NR5A2: variants seen among roughly 807,000 people sequenced by gnomAD.
NR5A2 encodes CYP7A promoter-binding factor.
In NR5A2, 26 loss-of-function variants were observed where a neutral mutation model predicts 62.7. The observed-to-expected ratio is 0.41, with a 90% CI of 0.30 to 0.58. The LOEUF is 0.58. Among genes scored for constraint, NR5A2 ranks in the 20% least tolerant of loss-of-function variants. NR5A2 has a pLI of 0.22. For synonymous variants in NR5A2, 246 were observed against 241.7 expected (o/e 1.02, Z -0.16); for missense variants, 541 against 669.1 (o/e 0.81, Z 2.11).
At chr1:200,112,952 G>A (rs904501384) in intron 6 of NR5A2, among the ~76,000 whole-genome samples, 2 of 152,154 alleles carry the variant, frequency 1.3e-5, no homozygotes, top group African/African-American at 4.8e-5. Context: ...TTCCATTCCT[G>A]CTCTTTAGAA....
At chr1:200,094,444 G>A (rs985432600) in intron 5 of NR5A2, among the ~76,000 whole-genome samples, 5 of 149,360 alleles carry the variant, frequency 3.3e-5, no homozygotes, top group South Asian at 4.2e-4. Flanking sequence ...TGCAACCTCC[G>A]AAAGTACTAG....
intron 4 of NR5A2, among the ~76,000 whole-genome samples, chr1:200,047,495 G>T (rs1358934387): frequency 1.3e-5 from 2 of 152,254 alleles, no homozygotes; most frequent in African/African-American, 4.8e-5. Flanking sequence ...AAAGCAGTTT[G>T]GGTTTCCATA....
intron 4 of NR5A2, among the ~76,000 whole-genome samples, chr1:200,046,088 T>C: frequency 6.6e-6 from 1 of 152,198 alleles, no homozygotes; most frequent in East Asian, 1.9e-4. Flanking sequence ...GAGTTTCTCA[T>C]GTAGGATATT....
chr1:200,147,202 A>AG lies in NR5A2; in HGVS notation c.1378+26253dup, dbSNP rs773749785. Among the ~76,000 whole-genome samples, 88 of 152,272 alleles carry AG rather than the reference A, an allele frequency of 5.8e-4. No homozygotes were observed. Among genetic ancestry groups the AG allele is most frequent in the Non-Finnish European group, 9.1e-4 (62 of 68,018 alleles). The stretch of plus-strand genomic sequence containing the variant: ...AGCAATTGTTTCACGCAAAAAATAG[A>AG]GGGGGGCACCTCGCTGAAGCCAGCG... On this transcript the variant is annotated intron_variant, in intron 7 of 7. Transcript: ENST00000367362. The surrounding 1 kb of genome is among the most constrained non-coding windows in gnomAD (Gnocchi z 4.9).
At chr1:200,151,756 T>C (rs1653139433) in intron 7 of NR5A2, among the ~76,000 whole-genome samples, 1 of 152,248 alleles carries the variant, frequency 6.6e-6, no homozygotes, top group Non-Finnish European at 1.5e-5. Flanking sequence ...GGTTTTCTTT[T>C]GCATTTGTCT....
intron 1 of NR5A2, among the ~76,000 whole-genome samples, chr1:200,035,772 C>T (rs1011795874): frequency 2.1e-4 from 32 of 151,958 alleles, no homozygotes; most frequent in African/African-American, 7.5e-4. Flanking sequence ...AAGTCAGAAC[C>T]GGGAAGGGCG....
Position 200,147,998 on chromosome 1 carries a change from G to C in NR5A2, c.1379-25965G>C. On this transcript the variant is annotated intron_variant, in intron 7 of 7. Transcript: ENST00000367362. This position sits in a 1 kb window ranked among gnomAD's most constrained non-coding sequence, Gnocchi z 4.9. ...CGGCCGCCTTGACCTCCTCCCGCGA[G>C]CCGAAAACGCCCAGTTCGAAGGCCA... 1 of 307,016 alleles carries C rather than the reference G, an allele frequency of 3.3e-6. No individual in the cohort carries two copies. Among genetic ancestry groups the C allele is most frequent in the Non-Finnish European group, 6.3e-6 (1 of 159,954 alleles). 19.0% of individuals were successfully genotyped at this position (307,016 alleles called of 1,614,324 possible). A position where few individuals can be genotyped will look rare whatever the true frequency, so the allele number is the denominator to read the frequency against.
At chr1:200,066,592 T>TTTTTTC (rs1663484871) in intron 5 of NR5A2, among the ~76,000 whole-genome samples, 1 of 138,984 alleles carries the variant, frequency 7.2e-6, no homozygotes, top group South Asian at 2.3e-4. Context: ...AATTATCTTT[T>TTTTTTC]TTTTTTTTTT....
At chr1:200,092,867 A>T (rs1003370101) in intron 5 of NR5A2, among the ~76,000 whole-genome samples, 3 of 147,548 alleles carry the variant, frequency 2.0e-5, no homozygotes, top group African/African-American at 7.5e-5. Context: ...TTACTAAAAG[A>T]CAGGTCTTTT....
intron 1 of NR5A2, among the ~76,000 whole-genome samples, chr1:200,033,453 T>A (rs1571689238): frequency 8.3e-6 from 1 of 119,788 alleles, no homozygotes; most frequent in Non-Finnish European, 1.8e-5. Context: ...TGCAGTGAGA[T>A]ATGCTAGTCC....
chr1:200,035,449 A>G (rs1296949346), intron 1 of NR5A2, among the ~76,000 whole-genome samples: 1 of 152,066 alleles, frequency 6.6e-6, no homozygotes, highest in Non-Finnish European at 1.5e-5. Flanking sequence ...CGCACGGGTC[A>G]AGCGCGCGGG....
At chr1:200,070,008 GT>G (rs80109968) in intron 5 of NR5A2, among the ~76,000 whole-genome samples, 97 of 146,332 alleles carry the variant, frequency 6.6e-4, no homozygotes, top group East Asian at 1.2e-3. Flanking sequence ...CTAAGGGAAA[GT>G]TTTTTTTTTT....
intron 5 of NR5A2, among the ~76,000 whole-genome samples, chr1:200,062,227 T>TTATGTGTGTGTGTGTG (rs1553267511): frequency 2.7e-4 from 40 of 145,756 alleles, no homozygotes; most frequent in African/African-American, 9.9e-4. Flanking sequence ...CTGGCAGATT[T>TTATGTGTGTGTGTGTG]TGTGTGTGTG....
chr1:200,095,930 C>G (rs1489066755), intron 5 of NR5A2, among the ~76,000 whole-genome samples: 1 of 152,104 alleles, frequency 6.6e-6, no homozygotes, highest in Non-Finnish European at 1.5e-5. Flanking sequence ...AAAAGTACTA[C>G]TAGATGGGCC....
At chr1:200,133,556 T>TAC (rs1308227658) in intron 7 of NR5A2, among the ~76,000 whole-genome samples, 104 of 49,220 alleles carry the variant, frequency 2.1e-3, no homozygotes, top group African/African-American at 5.3e-3. Flanking sequence ...TACACATATA[T>TAC]ACACACATAT....
intron 5 of NR5A2, among the ~76,000 whole-genome samples, chr1:200,091,134 G>T (rs1469393069): frequency 6.6e-6 from 1 of 152,112 alleles, no homozygotes; most frequent in Non-Finnish European, 1.5e-5. Flanking sequence ...TTGCTTTAAC[G>T]TGCAGCAACT....
intron 7 of NR5A2, among the ~76,000 whole-genome samples, chr1:200,172,292 T>G (rs868867357): frequency 4.6e-5 from 7 of 152,342 alleles, no homozygotes; most frequent in African/African-American, 1.7e-4. Context: ...TAAATATTTT[T>G]AAGTAACTTA....
intron 7 of NR5A2, among the ~76,000 whole-genome samples, chr1:200,159,609 C>G (rs576059335): frequency 6.6e-6 from 1 of 151,662 alleles, no homozygotes; most frequent in Non-Finnish European, 1.5e-5. Context: ...TTTCGTTCAA[C>G]ATTTTCATTT....
intron 2 of NR5A2, chr1:200,043,145 A>G: frequency 5.5e-6 from 2 of 360,504 alleles, no homozygotes; most frequent in Non-Finnish European, 7.7e-6. Flanking sequence ...TAAGGAGATG[A>G]AAGTATCCAG....
Sources: gnomAD v4.1 joint callset for allele counts (sites outside exome capture counted in the v4.1 genomes callset) on GRCh38, gnomAD v4.1.1 for gene constraint, Gnocchi (gnomAD v3.1) non-coding constraint, MANE v1.5 for transcripts, NCBI Gene and HGNC (gene_info 2026-07-23, HGNC 2026-07-21) for gene names.